Variants in NIBAN1 observed in about 807,000 individuals in gnomAD.
NIBAN1 encodes niban apoptosis regulator 1.
NIBAN1 carries 81 observed loss-of-function variants against 75.1 expected under a neutral mutation model. That is an observed-to-expected ratio of 1.08 (90% confidence interval 0.90 to 1.30). The LOEUF is 1.30. Among genes scored for constraint, NIBAN1 ranks in the 50% most tolerant of loss-of-function variants. The pLI is 0.00. For missense variants in NIBAN1, 1,133 were observed against 1,128.1 expected, an observed-to-expected ratio of 1.00 and a Z score of -0.06; for synonymous variants, 436 against 424.8, an observed-to-expected ratio of 1.03 and a Z score of -0.32.
chr1:184,814,325 G>T lies in NIBAN1; in HGVS notation c.1173+4313C>A, dbSNP rs184856759. On this transcript the variant is annotated intron_variant, in intron 9 of 13. Coordinates refer to ENST00000367511, the MANE Select transcript of NIBAN1 (RefSeq NM_052966.4). ...AGGTTTATAAAAATCTTACCTTATGGTCAAAGTAATTAAAACTGAATATAT... is the reference window on the plus strand; with the variant it reads ...AGGTTTATAAAAATCTTACCTTATGTTCAAAGTAATTAAAACTGAATATAT... 4.8e-3 allele frequency among the ~76,000 whole-genome samples: 735 copies of T among 152,132 alleles called. 6 individuals are homozygous for T. Among genetic ancestry groups the T allele is most frequent in the Middle Eastern group, 0.017 (5 of 292 alleles).
chr1:184,814,320 T>G (rs1304015229), intron 9 of NIBAN1, among the ~76,000 whole-genome samples: 1 of 152,220 alleles, frequency 6.6e-6, no homozygotes, highest in Non-Finnish European at 1.5e-5. Flanking sequence ...AAATCTTACC[T>G]TATGGTCAAA....
intron 2 of NIBAN1, among the ~76,000 whole-genome samples, chr1:184,897,923 T>C (rs1343262881): frequency 6.6e-6 from 1 of 152,216 alleles, no homozygotes; most frequent in Non-Finnish European, 1.5e-5. Flanking sequence ...GATGCTACAG[T>C]ATCCTGCTCC....
intron 1 of NIBAN1, among the ~76,000 whole-genome samples, chr1:184,916,791 T>A (rs1272551192): frequency 6.6e-6 from 1 of 152,158 alleles, no homozygotes; most frequent in East Asian, 1.9e-4. Flanking sequence ...TAACATTATT[T>A]CCTTTTTCTT....
intron 8 of NIBAN1, among the ~76,000 whole-genome samples, chr1:184,821,172 T>C (rs765778327): frequency 3.7e-4 from 57 of 152,194 alleles, no homozygotes; most frequent in Non-Finnish European, 6.6e-4. Flanking sequence ...GCCATTGTAC[T>C]CAGCAGAAGT....
intron 12 of NIBAN1, among the ~76,000 whole-genome samples, chr1:184,802,243 C>A (rs1311066769): frequency 6.6e-6 from 1 of 152,114 alleles, no homozygotes; most frequent in Non-Finnish European, 1.5e-5. Context: ...ATCAATGCCT[C>A]CTGATTAAAA....
chr1:184,891,419 G>A (rs1359072357), intron 3 of NIBAN1, among the ~76,000 whole-genome samples: 1 of 152,136 alleles, frequency 6.6e-6, no homozygotes, highest in Admixed American at 6.5e-5. Flanking sequence ...ATCTAAACTT[G>A]TATGATATTA....
rs1222125521 is a variant in NIBAN1 at position 184,845,980 on chromosome 1, C to T, written c.602-14018G>A. On this transcript the variant is annotated intron_variant, in intron 5 of 13. Coordinates refer to ENST00000367511, the MANE Select transcript of NIBAN1 (RefSeq NM_052966.4). ...CCTGGCTCAGAGGGTCCTACGCCCA[C>T]GGAATCTCGCTGATTGCTAGCACAG... Among the ~76,000 whole-genome samples the T allele has an allele frequency of 1.3e-4, 11 of 82,176 alleles. 1 individual carries two copies. The highest frequency in any genetic ancestry group is 7.8e-4 in the East Asian group (3 of 3,866). The allele number at this position is 82,176 out of a possible 152,430, so 53.9% of individuals were successfully genotyped here.
chr1:184,921,313 A>G (rs1657527372), intron 1 of NIBAN1, among the ~76,000 whole-genome samples: 1 of 152,170 alleles, frequency 6.6e-6, no homozygotes, highest in Non-Finnish European at 1.5e-5. Context: ...AAAAATTTGT[A>G]AAACATATCT....
intron 5 of NIBAN1, among the ~76,000 whole-genome samples, chr1:184,872,273 T>A (rs1656128705): frequency 6.6e-6 from 1 of 150,564 alleles, no homozygotes; most frequent in Admixed American, 6.6e-5. Context: ...AATAAAAAAA[T>A]TAAAATTTAA....
At chr1:184,799,434 G>A (rs903097460) in intron 12 of NIBAN1, among the ~76,000 whole-genome samples, 2 of 149,626 alleles carry the variant, frequency 1.3e-5, no homozygotes, top group African/African-American at 4.9e-5. Flanking sequence ...TCTTAATCCA[G>A]TCTATCATTG....
intron 1 of NIBAN1, among the ~76,000 whole-genome samples, chr1:184,914,730 T>C (rs900960404): frequency 2.6e-5 from 4 of 151,208 alleles, no homozygotes; most frequent in African/African-American, 9.7e-5. Flanking sequence ...TCTTTTTTTT[T>C]TTTTTTTTGA....
chr1:184,826,380 G>T (rs1161786256), intron 6 of NIBAN1, among the ~76,000 whole-genome samples: 1 of 152,180 alleles, frequency 6.6e-6, no homozygotes, highest in Non-Finnish European at 1.5e-5. Flanking sequence ...AAATTAGCAG[G>T]TCCAACAATT....
intron 5 of NIBAN1, among the ~76,000 whole-genome samples, chr1:184,846,113 G>A (rs1168851605): frequency 7.3e-4 from 49 of 67,538 alleles, no homozygotes; most frequent in African/African-American, 2.8e-3. Flanking sequence ...GAACTGGGTG[G>A]AGCCCACCAC....
chr1:184,881,997 G>C (rs1222214164), intron 5 of NIBAN1, among the ~76,000 whole-genome samples: 1 of 152,102 alleles, frequency 6.6e-6, no homozygotes, highest in Non-Finnish European at 1.5e-5. Flanking sequence ...GTTTAAGATG[G>C]AGTTGCTCTG....
intron 5 of NIBAN1, among the ~76,000 whole-genome samples, chr1:184,844,124 A>G (rs938614223): frequency 6.6e-6 from 1 of 152,186 alleles, no homozygotes; most frequent in African/African-American, 2.4e-5. Context: ...TCTTGGTATA[A>G]TTTATCACTG....
chr1:184,908,340 C>A (rs1657155740), intron 1 of NIBAN1, among the ~76,000 whole-genome samples: 1 of 152,146 alleles, frequency 6.6e-6, no homozygotes, highest in Non-Finnish European at 1.5e-5. Flanking sequence ...CTGCAAATGA[C>A]CACTGAAATA....
In NIBAN1 at chr1:184,794,615, A is replaced by C. The variant is rs188713765; in HGVS notation, c.*362T>G. On this transcript the variant is annotated 3_prime_UTR_variant, in exon 14 of 14. Coordinates refer to ENST00000367511, the MANE Select transcript of NIBAN1 (RefSeq NM_052966.4). ...ACAAAATTAAAAAGCCTTAAAGTGC[A>C]CAAGAAGATTGCACAATTGAAAAGT... 2.9e-3 allele frequency: 1,049 copies of C among 357,864 alleles called. 6 individuals are homozygous for C. The highest frequency in any genetic ancestry group is 4.6e-3 in the Non-Finnish European group (862 of 188,886). 22.2% of individuals were successfully genotyped at this position (357,864 alleles called of 1,614,324 possible).
intron 12 of NIBAN1, among the ~76,000 whole-genome samples, chr1:184,800,914 C>G (rs1654022767): frequency 6.6e-6 from 1 of 152,182 alleles, no homozygotes; most frequent in Non-Finnish European, 1.5e-5. Context: ...TTCTCTTCAG[C>G]TGGCCCTGAC....
chr1:184,816,289 A>G (rs572827932), intron 9 of NIBAN1, among the ~76,000 whole-genome samples: 1 of 152,320 alleles, frequency 6.6e-6, no homozygotes, highest in South Asian at 2.1e-4. Context: ...GTTTGCATGT[A>G]GCCATCTCTA....
Sources: allele counts gnomAD v4.1 joint callset (sites outside exome capture counted in the v4.1 genomes callset), GRCh38; gene constraint gnomAD v4.1.1; transcripts MANE v1.5; gene names NCBI Gene and HGNC (gene_info 2026-07-23, HGNC 2026-07-21).